The following NRP2 variants were observed in gnomAD, a reference collection of about 807,000 sequenced individuals.
NRP2 encodes the protein neuropilin-2.
Under a neutral mutation model 110.4 loss-of-function variants are expected in NRP2, and 52 were observed. That is an observed-to-expected ratio of 0.47 (90% CI 0.38 to 0.59). NRP2 has a LOEUF of 0.59. Among genes scored for constraint, NRP2 ranks in the 20% least tolerant of loss-of-function variants. The pLI is 0.00. For missense variants in NRP2, 1,049 were observed against 1,203.0 expected, an observed-to-expected ratio of 0.87 and a Z score of 1.89; for synonymous variants, 508 against 468.9, an observed-to-expected ratio of 1.08 and a Z score of -1.08.
chr2:205,701,945 G>A (rs143452711), intron 2 of NRP2, among the ~76,000 whole-genome samples: 40 of 152,276 alleles, frequency 2.6e-4, no homozygotes, highest in East Asian at 9.7e-4. Flanking sequence ...CTTCACTTTT[G>A]TGACAGCAGC....
intron 12 of NRP2, chr2:205,756,397 A>G (rs2057735419): frequency 6.6e-6 from 1 of 152,240 alleles, no homozygotes; most frequent in Non-Finnish European, 1.5e-5. Flanking sequence ...GAGAATGATC[A>G]AAGCCCAGCC....
intron 10 of NRP2, 141 bp downstream of exon 10, chr2:205,746,031 C>A: frequency 1.1e-6 from 1 of 910,094 alleles, no homozygotes; most frequent in Non-Finnish European, 1.8e-6. Context: ...TGTTCTCCTG[C>A]CTCAGACCAC....
intron 3 of NRP2, among the ~76,000 whole-genome samples, chr2:205,718,264 A>G (rs1007725859): frequency 1.3e-5 from 2 of 152,258 alleles, no homozygotes; most frequent in African/African-American, 2.4e-5. Flanking sequence ...AGCCACAGGA[A>G]AAGTCAATGT....
intron 9 of NRP2, among the ~76,000 whole-genome samples, chr2:205,744,495 G>T (rs1463332866): frequency 6.6e-6 from 1 of 152,200 alleles, no homozygotes; most frequent in East Asian, 1.9e-4. Flanking sequence ...GGCCAGTACA[G>T]CTTACTCCCC....
chr2:205,745,715 C>A, intron 9 of NRP2, 31 bp from the exon 10 acceptor site: 1 of 1,613,642 alleles, frequency 6.2e-7, no homozygotes. Context: ...GGTCCCACAC[C>A]AGAAGGGCTG....
chr2:205,784,764 G>A (rs758509279), intron 15 of NRP2, among the ~76,000 whole-genome samples: 4 of 152,060 alleles, frequency 2.6e-5, no homozygotes, highest in Non-Finnish European at 5.9e-5. Flanking sequence ...CCCTTCTCTT[G>A]CTGACCCCTT....
intron 2 of NRP2, among the ~76,000 whole-genome samples, chr2:205,711,134 G>A (rs138654913): frequency 3.5e-4 from 53 of 152,310 alleles, no homozygotes; most frequent in African/African-American, 1.1e-3. Context: ...AAGCATCATC[G>A]TAGCACGCAT....
Position 205,749,160 on chromosome 2 carries a change from G to A in NRP2, c.1787-565G>A, listed in dbSNP as rs568542792. On this transcript the variant is annotated intron_variant, in intron 10 of 16. Coordinates refer to ENST00000357785, the MANE Select transcript of NRP2 (RefSeq NM_003872.3). ...AGTCATGGAGGCCACCTTTAAACCA[G>A]GCATGTAAGATCCCAGCTTTCACCA... Among the ~76,000 whole-genome samples the A allele has an allele frequency of 1.6e-3, 239 of 152,248 alleles. 1 individual carries two copies. Among genetic ancestry groups the A allele is most frequent in the Non-Finnish European group, 2.8e-3 (188 of 68,014 alleles).
At chr2:205,704,899 C>A (rs141547977) in intron 2 of NRP2, among the ~76,000 whole-genome samples, 1 of 152,302 alleles carries the variant, frequency 6.6e-6, no homozygotes, top group East Asian at 1.9e-4. Context: ...CCATGTAATT[C>A]TCCCATCTAA....
intron 2 of NRP2, among the ~76,000 whole-genome samples, chr2:205,709,203 G>A (rs2056749108): frequency 6.6e-6 from 1 of 152,230 alleles, no homozygotes; most frequent in Non-Finnish European, 1.5e-5. Context: ...TGATGGATTT[G>A]TGCAGGGGGA....
chr2:205,736,343 A>AAAAT (rs2057342931), intron 7 of NRP2, among the ~76,000 whole-genome samples: 1 of 152,186 alleles, frequency 6.6e-6, no homozygotes, highest in Non-Finnish European at 1.5e-5. Context: ...CCCCATCTCA[A>AAAAT]AAATAAATAA....
chr2:205,772,707 C>T (rs1234454827), intron 15 of NRP2, among the ~76,000 whole-genome samples: 1 of 152,244 alleles, frequency 6.6e-6, no homozygotes, highest in Admixed American at 6.5e-5. Flanking sequence ...TTCTCACCTA[C>T]ACTTTCACCC....
chr2:205,759,941 C>T (rs2057794813), intron 12 of NRP2, among the ~76,000 whole-genome samples: 1 of 152,200 alleles, frequency 6.6e-6, no homozygotes, highest in Non-Finnish European at 1.5e-5. Flanking sequence ...GATGGAAAGA[C>T]TGAGGCTTTA....
intron 15 of NRP2, among the ~76,000 whole-genome samples, chr2:205,787,716 GTC>G (rs1276466042): frequency 2.5e-5 from 2 of 81,536 alleles, no homozygotes; most frequent in African/African-American, 4.3e-5. Context: ...AAAAAAAAGT[GTC>G]TGTGTGTGTG....
Position 205,686,050 on chromosome 2 carries a change from G to GC in NRP2, c.73+2693dup, listed in dbSNP as rs953889556. Among the ~76,000 whole-genome samples the GC allele has an allele frequency of 1.1e-4, 15 of 133,790 alleles. No individual in the cohort carries two copies. Among genetic ancestry groups the GC allele is most frequent in the Non-Finnish European group, 2.1e-4 (13 of 62,514 alleles). The allele number at this position is 133,790 out of a possible 152,430, so 87.8% of individuals were successfully genotyped here. A position where few individuals can be genotyped will look rare whatever the true frequency, so the allele number is the denominator to read the frequency against. ...CTCCTAGCCCTCCCTCCCCTTCCCC[G>GC]CCCCCCAGCGCCTTCTCTAACGCCG... On this transcript the variant is annotated intron_variant, in intron 1 of 16. Transcript: ENST00000357785. The surrounding 1 kb of genome is among the most constrained non-coding windows in gnomAD (Gnocchi z 4.7).
intron 13 of NRP2, 78 bp from the exon 14 acceptor site, chr2:205,765,396 A>G (rs1173261662): frequency 3.3e-6 from 4 of 1,200,392 alleles, no homozygotes; most frequent in Admixed American, 3.4e-5. Context: ...AGCTGCAGCT[A>G]ACAGAAACTT....
At chr2:205,776,656 C>T (rs2058106073) in intron 15 of NRP2, 2 of 1,564,910 alleles carry the variant, frequency 1.3e-6, no homozygotes, top group Non-Finnish European at 1.7e-6. Flanking sequence ...GATCCCCAAC[C>T]CTGAGCACTC....
At chr2:205,691,102 T>A (rs547915370) in intron 1 of NRP2, among the ~76,000 whole-genome samples, 1 of 152,190 alleles carries the variant, frequency 6.6e-6, no homozygotes, top group Admixed American at 6.5e-5. Context: ...ATTCACCAAA[T>A]CTTGATGAGT....
chr2:205,753,316 C>G (rs1281972186), intron 12 of NRP2, among the ~76,000 whole-genome samples: 2 of 152,206 alleles, frequency 1.3e-5, no homozygotes, highest in African/African-American at 4.8e-5. Flanking sequence ...GCACCCACTG[C>G]TATTATCACA....
Sources: gnomAD v4.1 joint callset for allele counts (sites outside exome capture counted in the v4.1 genomes callset) on GRCh38, gnomAD v4.1.1 for gene constraint, Gnocchi (gnomAD v3.1) non-coding constraint, MANE v1.5 for transcripts, NCBI Gene and HGNC (gene_info 2026-07-23, HGNC 2026-07-21) for gene names.